The following CRACD variants were observed in gnomAD, a reference collection of about 807,000 sequenced individuals.
The protein encoded by CRACD is capping protein inhibiting regulator of actin dynamics.
CRACD carries 56 observed loss-of-function variants against 106.8 expected under a neutral mutation model. The observed-to-expected ratio is 0.52, with a 90% CI of 0.42 to 0.66. The LOEUF (loss-of-function observed/expected upper bound fraction) is 0.66. Among genes scored for constraint, CRACD ranks in the 30% least tolerant of loss-of-function variants. The pLI is 0.00. For missense variants in CRACD, 1,730 were observed against 1,623.2 expected (o/e 1.07, Z -1.13); for synonymous variants, 754 against 670.8 (o/e 1.12, Z -1.92).
At chr4:56,185,506 CCAAT>C (rs1737050104) in intron 2 of CRACD, among the ~76,000 whole-genome samples, 1 of 152,086 alleles carries the variant, frequency 6.6e-6, no homozygotes, top group Admixed American at 6.5e-5. Context: ...ATTGTTATTA[CCAAT>C]CATTTATTTT....
intron 1 of CRACD, among the ~76,000 whole-genome samples, chr4:56,112,146 G>A (rs1386431456): frequency 6.6e-6 from 1 of 152,152 alleles, no homozygotes; most frequent in African/African-American, 2.4e-5. Flanking sequence ...TGCTGGTATT[G>A]GGTTATTATT....
At chr4:56,127,491 T>G (rs971601426) in intron 1 of CRACD, among the ~76,000 whole-genome samples, 2 of 152,202 alleles carry the variant, frequency 1.3e-5, no homozygotes, top group Non-Finnish European at 2.9e-5. Context: ...GGATAAATTT[T>G]TTTGTTACTG....
chr4:56,112,999 C>G (rs986887507), intron 1 of CRACD, among the ~76,000 whole-genome samples: 3 of 151,890 alleles, frequency 2.0e-5, no homozygotes, highest in Non-Finnish European at 2.9e-5. Context: ...AAAAAATTCC[C>G]AGATAGACTT....
intron 1 of CRACD, among the ~76,000 whole-genome samples, chr4:56,056,606 A>G (rs932299386): frequency 6.8e-6 from 1 of 147,018 alleles, no homozygotes; most frequent in African/African-American, 2.7e-5. Context: ...ACCAAAAAAA[A>G]AACAAACAAA....
At chr4:56,142,754 A>T (rs992929785) in intron 1 of CRACD, among the ~76,000 whole-genome samples, 1 of 152,082 alleles carries the variant, frequency 6.6e-6, no homozygotes, top group African/African-American at 2.4e-5. Flanking sequence ...ATTTTTCCCA[A>T]ATGTTTAGTT....
rs549120782 is a variant in CRACD, at chr4:56,315,467, C to T, written c.1965C>T (p.Arg655=). 1 of 1,613,038 alleles carries T rather than the reference C, an allele frequency of 6.2e-7. No individual in the cohort carries two copies. Among genetic ancestry groups the T allele is most frequent in the East Asian group, 2.2e-5 (1 of 44,840 alleles). ...CGGGCAGCGGGAAGGCTAAGCCCCG[C>T]CAGGAGTCTCCCAGCAGCGCGTCCG... ...ARAGSGKAKP[R]QESPSSASAL... The change falls in exon 8 of 11, where the codon CGC becomes CGT. Residue 655 remains arginine, a synonymous_variant. Coordinates refer to ENST00000682029, the MANE Select transcript of CRACD (RefSeq NM_001393381.1). This position sits in a 1 kb window ranked among gnomAD's most constrained non-coding sequence, Gnocchi z 4.1.
chr4:56,144,399 G>A (rs1481915640), intron 1 of CRACD, among the ~76,000 whole-genome samples: 15 of 152,178 alleles, frequency 9.9e-5, no homozygotes, highest in Non-Finnish European at 1.5e-5. Flanking sequence ...AGGCAAGACT[G>A]GAGCTAGGAG....
chr4:56,234,438 G>T (rs1055841256), intron 2 of CRACD, among the ~76,000 whole-genome samples: 1 of 152,148 alleles, frequency 6.6e-6, no homozygotes, highest in African/African-American at 2.4e-5. Context: ...ATTTTCCATT[G>T]TGTGGATCTA....
At chr4:56,182,133 C>T (rs967459615) in intron 2 of CRACD, among the ~76,000 whole-genome samples, 1 of 152,114 alleles carries the variant, frequency 6.6e-6, no homozygotes, top group African/African-American at 2.4e-5. Context: ...GTAATCCCAG[C>T]ACTTTGGGAG....
intron 1 of CRACD, among the ~76,000 whole-genome samples, chr4:56,171,171 G>A (rs760363388): frequency 2.2e-4 from 33 of 152,000 alleles, no homozygotes; most frequent in Admixed American, 3.9e-4. Context: ...ATTATATGAC[G>A]AGTTAATGGG....
intron 3 of CRACD, among the ~76,000 whole-genome samples, chr4:56,281,376 A>G (rs1324338445): frequency 6.6e-6 from 1 of 152,072 alleles, no homozygotes; most frequent in Non-Finnish European, 1.5e-5. Context: ...ATTATCTTCC[A>G]CAAAACCGGT....
intron 2 of CRACD, among the ~76,000 whole-genome samples, chr4:56,236,329 G>C (rs1238306796): frequency 6.6e-6 from 1 of 152,228 alleles, no homozygotes; most frequent in South Asian, 2.1e-4. Context: ...AGGGCCTTCA[G>C]AGGGAACACG....
intron 2 of CRACD, among the ~76,000 whole-genome samples, chr4:56,223,648 A>G (rs1739161319): frequency 6.6e-6 from 1 of 152,218 alleles, no homozygotes; most frequent in African/African-American, 2.4e-5. Flanking sequence ...TTTTTATCAT[A>G]TATGAAATTC....
chr4:56,064,938 G>A (rs78297386), intron 1 of CRACD, among the ~76,000 whole-genome samples: 6,980 of 152,098 alleles, frequency 0.046, 218 homozygotes, highest in African/African-American at 0.083. Flanking sequence ...CTTCCCCCTC[G>A]AAGATGGCTA....
chr4:56,257,653 C>T (rs1352960326), intron 2 of CRACD, among the ~76,000 whole-genome samples: 1 of 152,050 alleles, frequency 6.6e-6, no homozygotes. Context: ...TGTGATTGTG[C>T]TGCCACATTC....
chr4:56,317,958 A>T (rs1056913429), intron 8 of CRACD, among the ~76,000 whole-genome samples: 1 of 152,070 alleles, frequency 6.6e-6, no homozygotes, highest in Non-Finnish European at 1.5e-5. Flanking sequence ...ATAGGAGGTA[A>T]AGTATGGGTC....
intron 1 of CRACD, among the ~76,000 whole-genome samples, chr4:56,054,261 GCCTC>G (rs1255639534): frequency 6.6e-5 from 10 of 152,122 alleles, no homozygotes; most frequent in African/African-American, 2.4e-4. Flanking sequence ...GCTCACTGCA[GCCTC>G]TACCTCCTGG....
intron 2 of CRACD, among the ~76,000 whole-genome samples, chr4:56,191,093 T>G (rs781669653): frequency 3.9e-5 from 6 of 152,188 alleles, no homozygotes; most frequent in Non-Finnish European, 7.3e-5. Context: ...TATCCCAAAA[T>G]TATTTGACCA....
chr4:56,153,646 A>G (rs2109893977), intron 1 of CRACD, among the ~76,000 whole-genome samples: 1 of 152,288 alleles, frequency 6.6e-6, no homozygotes, highest in South Asian at 2.1e-4. Context: ...ATTCTCTGCA[A>G]TGCCTTGTAA....
Sources: gnomAD v4.1 joint callset for allele counts (sites outside exome capture counted in the v4.1 genomes callset) on GRCh38, gnomAD v4.1.1 for gene constraint, Gnocchi (gnomAD v3.1) non-coding constraint, MANE v1.5 for transcripts, NCBI Gene and HGNC (gene_info 2026-07-23, HGNC 2026-07-21) for gene names.